Variants in HMGN5 observed in about 807,000 individuals in gnomAD.
HMGN5 encodes the protein high mobility group nucleosome-binding domain-containing protein 5.
HMGN5 carries 4 observed loss-of-function variants against 9.5 expected under a neutral mutation model. The ratio of observed to expected loss-of-function variants is 0.42; its 90% CI spans 0.21 to 0.96. The LOEUF (loss-of-function observed/expected upper bound fraction) is 0.96. HMGN5 is among the 40% of genes least tolerant of loss of function. The pLI, the probability that HMGN5 is intolerant of heterozygous loss-of-function variation, is 0.30. For missense variants in HMGN5, 192 were observed against 187.5 expected (o/e 1.02, Z -0.14); for synonymous variants, 55 against 57.1 (o/e 0.96, Z 0.16).
chrX:81,113,734 GGCAAATCCAT>G lies in HMGN5; in HGVS notation c.*905_*914del. The stretch of plus-strand genomic sequence containing the variant: ...CCATTTATAATAAATGTTCAGAATA[GGCAAATCCAT>G]AGAGATAGAAGGCAGATTAGTGGTT... On this transcript the variant is annotated 3_prime_UTR_variant, in exon 7 of 7. Coordinates refer to ENST00000358130, the MANE Select transcript of HMGN5 (RefSeq NM_030763.3). 1.8e-5 allele frequency: 2 copies of G among 113,565 alleles called. No individual in the cohort carries two copies. 9.4% of individuals were successfully genotyped at this position (113,565 alleles called of 1,213,427 possible). A position where few individuals can be genotyped will look rare whatever the true frequency, so the allele number is the denominator to read the frequency against.
intron 1 of HMGN5, among the ~76,000 whole-genome samples, chrX:81,177,582 C>A: frequency 1.8e-5 from 2 of 109,401 alleles, no homozygotes; most frequent in Middle Eastern, 4.7e-3. Context: ...TAGAGACCTA[C>A]AAAGAGACTT....
chrX:81,175,829 G>A (rs753679282), intron 1 of HMGN5, among the ~76,000 whole-genome samples: 9 of 111,765 alleles, frequency 8.1e-5, no homozygotes, highest in African/African-American at 2.3e-4. Flanking sequence ...AACTATGGCC[G>A]AATAGGAACA....
chrX:81,179,692 G>GA (rs1478125679), intron 1 of HMGN5, among the ~76,000 whole-genome samples: 8 of 111,482 alleles, frequency 7.2e-5, no homozygotes, highest in African/African-American at 9.8e-5. Context: ...CACAGAATTG[G>GA]AAAAAACTAC....
chrX:81,116,075 A>G (rs956465674), intron 6 of HMGN5, 129 bp downstream of exon 6: 6 of 454,292 alleles, frequency 1.3e-5, no homozygotes, highest in African/African-American at 2.5e-5. Flanking sequence ...CTTAGATACC[A>G]TTATACTATA....
intron 1 of HMGN5, among the ~76,000 whole-genome samples, chrX:81,178,317 A>G (rs2075449422): frequency 9.0e-6 from 1 of 111,583 alleles, no homozygotes; most frequent in African/African-American, 3.3e-5. Context: ...AGTTAGCAAG[A>G]CTAATAAAGA....
intron 1 of HMGN5, among the ~76,000 whole-genome samples, chrX:81,172,888 A>G (rs967314813): frequency 9.0e-6 from 1 of 111,242 alleles, no homozygotes; most frequent in African/African-American, 3.3e-5. Flanking sequence ...TTAAACTACA[A>G]TGAAAAAGAA....
Position 81,121,602 on chromosome X carries a change from GT to G in HMGN5, c.-54del. On this transcript the variant is annotated 5_prime_UTR_variant, in exon 2 of 7. Transcript: ENST00000358130. ...GTCAGCAGAAAAAAAGCCGAAGGCA[GT>G]CACTGCCTGACTGCTCCAAGAGCAA... The G allele has an allele frequency of 1.0e-6, 1 of 998,362 alleles. No homozygotes were observed. The highest frequency in any genetic ancestry group is 3.1e-5 in the East Asian group (1 of 31,894). 82.3% of individuals were successfully genotyped at this position (998,362 alleles called of 1,213,427 possible). A position where few individuals can be genotyped will look rare whatever the true frequency, so the allele number is the denominator to read the frequency against.
intron 1 of HMGN5, among the ~76,000 whole-genome samples, chrX:81,151,772 T>C (rs2075363322): frequency 9.0e-6 from 1 of 110,534 alleles, no homozygotes; most frequent in African/African-American, 3.3e-5. Context: ...TGTATAAGAA[T>C]GCTTGTGATT....
At chrX:81,184,725 C>T (rs191115234) in intron 1 of HMGN5, among the ~76,000 whole-genome samples, 2 of 111,123 alleles carry the variant, frequency 1.8e-5, no homozygotes, top group East Asian at 5.6e-4. Flanking sequence ...GGAGAGTTTC[C>T]CCAATGTTTT....
chrX:81,200,333 A>C (rs1300597007), intron 1 of HMGN5, among the ~76,000 whole-genome samples: 2 of 112,214 alleles, frequency 1.8e-5, no homozygotes, highest in East Asian at 5.6e-4. Context: ...TAGAAATGTC[A>C]TTTGACCCAG....
intron 1 of HMGN5, among the ~76,000 whole-genome samples, chrX:81,200,031 GA>G (rs1304473291): frequency 3.6e-5 from 4 of 111,686 alleles, no homozygotes; most frequent in South Asian, 3.7e-4. Context: ...AAATTTACAA[GA>G]AAAAAACAAC....
At position 81,115,015 on chromosome X, in the gene HMGN5, T is replaced by C; in HGVS notation, c.483A>G (p.Lys161=). Residue 161 remains lysine (K), a synonymous_variant, in exon 7 of 7, where the codon AAA becomes AAG. Transcript: ENST00000358130. Reference sequence around the variant, plus strand: ...CATCTTCTCCTTTCTCATTTCCATTTTTATCCTCTTTTCCATCTTCTTCCC... The same window carrying C: ...CATCTTCTCCTTTCTCATTTCCATTCTTATCCTCTTTTCCATCTTCTTCCC... ...EKGEEDGKED[K]NGNEKGEDAK... 1 of 1,153,664 alleles carries C rather than the reference T, an allele frequency of 8.7e-7. No individual in the cohort carries two copies. The highest frequency in any genetic ancestry group is 1.2e-6 in the Non-Finnish European group (1 of 869,082).
intron 1 of HMGN5, among the ~76,000 whole-genome samples, chrX:81,134,552 C>T (rs1326002629): frequency 9.0e-6 from 1 of 111,228 alleles, no homozygotes; most frequent in Non-Finnish European, 1.9e-5. Context: ...CTAAAGAAAT[C>T]CCTTGCCCAT....
At chrX:81,140,526 C>G (rs2075325632) in intron 1 of HMGN5, among the ~76,000 whole-genome samples, 1 of 95,622 alleles carries the variant, frequency 1.0e-5, no homozygotes, top group Non-Finnish European at 2.1e-5. Flanking sequence ...CGCCACTGCA[C>G]TCCAGCCTTG....
At chrX:81,168,388 A>T (rs1602575422) in intron 1 of HMGN5, among the ~76,000 whole-genome samples, 1 of 111,866 alleles carries the variant, frequency 8.9e-6, no homozygotes, top group African/African-American at 3.3e-5. Context: ...AAGGTTCTAA[A>T]AAATGCCCAC....
intron 1 of HMGN5, among the ~76,000 whole-genome samples, chrX:81,147,678 A>C: frequency 9.0e-6 from 1 of 111,656 alleles, no homozygotes; most frequent in Middle Eastern, 4.7e-3. Context: ...ATTAGGAAAA[A>C]AGGAAGTCAA....
intron 1 of HMGN5, among the ~76,000 whole-genome samples, chrX:81,162,768 T>G: frequency 9.0e-6 from 1 of 111,156 alleles, no homozygotes; most frequent in East Asian, 2.8e-4. Flanking sequence ...ATATAGAAAA[T>G]GAGACCTTGT....
intron 1 of HMGN5, among the ~76,000 whole-genome samples, chrX:81,124,655 AC>A (rs2075278269): frequency 8.9e-6 from 1 of 112,407 alleles, no homozygotes; most frequent in African/African-American, 3.2e-5. Context: ...AGAATTTACT[AC>A]TTTTCCAATA....
intron 1 of HMGN5, among the ~76,000 whole-genome samples, chrX:81,162,073 G>A (rs1021520349): frequency 9.0e-6 from 1 of 111,150 alleles, no homozygotes; most frequent in African/African-American, 3.3e-5. Flanking sequence ...GAACCTTTCA[G>A]ACAGAACAAA....
Sources: gnomAD v4.1 joint callset for allele counts (sites outside exome capture counted in the v4.1 genomes callset) on GRCh38, gnomAD v4.1.1 for gene constraint, MANE v1.5 for transcripts, NCBI Gene and HGNC (gene_info 2026-07-23, HGNC 2026-07-21) for gene names.